Variants in NLN observed in about 807,000 individuals in gnomAD.
NLN encodes the protein neurolysin, mitochondrial.
A neutral mutation model predicts 79.9 loss-of-function variants in NLN; 64 were observed. The ratio of observed to expected loss-of-function variants is 0.80; its 90% confidence interval spans 0.65 to 0.99. The LOEUF (loss-of-function observed/expected upper bound fraction) is 0.99. NLN is among the 50% of genes least tolerant of loss of function. NLN has a pLI of 0.00. For missense variants in NLN, 835 were observed against 858.7 expected, an observed-to-expected ratio of 0.97 and a Z score of 0.34; for synonymous variants, 267 against 296.6, an observed-to-expected ratio of 0.90 and a Z score of 1.02.
chr5:65,776,082 G>A (rs968013914), intron 3 of NLN, among the ~76,000 whole-genome samples: 20 of 152,154 alleles, frequency 1.3e-4, no homozygotes, highest in Non-Finnish European at 1.9e-4. Context: ...GCAAAACCCC[G>A]TCTCTACTAA....
At position 65,722,257 on chromosome 5, in the gene NLN, T is replaced by TG; in HGVS notation, c.-116dup. 1 of 692,538 alleles carries TG rather than the reference T, an allele frequency of 1.4e-6. No individual in the cohort carries two copies. The highest frequency in any genetic ancestry group is 2.2e-6 in the Non-Finnish European group (1 of 450,350). The allele number at this position is 692,538 out of a possible 1,614,324, so 42.9% of individuals were successfully genotyped here. Reference sequence around the variant, plus strand: ...GGGAGGGCGCTGGCCAGGCAGCCACTGTGGCCTCTGCGGCTAGGCCGGCTC... The same window carrying TG: ...GGGAGGGCGCTGGCCAGGCAGCCACTGGTGGCCTCTGCGGCTAGGCCGGCTC... On this transcript the variant is annotated 5_prime_UTR_variant, in exon 1 of 13. Coordinates refer to ENST00000380985, the MANE Select transcript of NLN (RefSeq NM_020726.5).
intron 1 of NLN, among the ~76,000 whole-genome samples, chr5:65,749,916 G>A (rs146044191): frequency 1.1e-3 from 171 of 152,326 alleles, no homozygotes; most frequent in Non-Finnish European, 1.7e-3. Context: ...CTTGAAAGTA[G>A]TGCTTACTCC....
chr5:65,783,201 A>G (rs957175404), intron 6 of NLN, among the ~76,000 whole-genome samples: 9 of 152,226 alleles, frequency 5.9e-5, no homozygotes, highest in African/African-American at 2.2e-4. Context: ...GTAATGGATA[A>G]GTTTTAGAAA....
chr5:65,821,758 CA>C (rs1760804655), intron 12 of NLN, among the ~76,000 whole-genome samples: 1 of 152,124 alleles, frequency 6.6e-6, no homozygotes, highest in African/African-American at 2.4e-5. Flanking sequence ...TATTTATAGC[CA>C]AAAGGTAACC....
chr5:65,809,477 T>G, intron 9 of NLN, 38 bp from the exon 10 acceptor site: 23 of 1,534,042 alleles, frequency 1.5e-5, no homozygotes, highest in Non-Finnish European at 1.8e-5. Flanking sequence ...GTACTTTCAT[T>G]GAGTTCTTTA....
chr5:65,780,903 A>T (rs535070244), intron 5 of NLN, among the ~76,000 whole-genome samples: 57 of 152,044 alleles, frequency 3.7e-4, no homozygotes, highest in Middle Eastern at 3.4e-3. Context: ...CGATTTCTTG[A>T]CCTCATGATC....
At chr5:65,809,984 AACAC>A in intron 10 of NLN, 49 bp from the exon 11 acceptor site, 4 of 1,591,498 alleles carry the variant, frequency 2.5e-6, no homozygotes, top group Non-Finnish European at 3.4e-6. Context: ...GTGATAATAA[AACAC>A]ACAGTTCTGT....
At position 65,809,516 on chromosome 5, in the gene NLN, C is replaced by G. The variant is rs752265463; in HGVS notation, c.1529C>G (p.Thr510Ser). ...AAATTCTCTGTGTTTGCTTTCTAGACTGATTTTGCACGATTTAGCGGAACA... is the reference window on the plus strand; with the variant it reads ...AAATTCTCTGTGTTTGCTTTCTAGAGTGATTTTGCACGATTTAGCGGAACA... ...GHVMHQICAQ[T>S]DFARFSGTNV... The change falls in exon 10 of 13, where the codon ACT (threonine) becomes AGT (serine). Residue 510 changes from threonine to serine, a missense_variant and splice_region_variant. By Grantham distance (58) the Thr-to-Ser change is moderately conservative. Coordinates refer to ENST00000380985, the MANE Select transcript of NLN (RefSeq NM_020726.5). 6.3e-7 allele frequency: 1 copy of G among 1,589,026 alleles called. No individual in the cohort carries two copies. The highest frequency in any genetic ancestry group is 1.2e-5 in the South Asian group (1 of 86,626).
intron 8 of NLN, among the ~76,000 whole-genome samples, chr5:65,791,791 G>A (rs978014170): frequency 1.3e-5 from 2 of 151,996 alleles, no homozygotes; most frequent in Non-Finnish European, 2.9e-5. Context: ...GAAAGGACAC[G>A]TACTCCCAAA....
intron 5 of NLN, among the ~76,000 whole-genome samples, chr5:65,780,916 C>T (rs1044503907): frequency 2.0e-5 from 3 of 152,166 alleles, no homozygotes; most frequent in South Asian, 2.1e-4. Context: ...TCATGATCCA[C>T]CCACTTCAGC....
intron 9 of NLN, among the ~76,000 whole-genome samples, chr5:65,794,161 G>A (rs1007268982): frequency 6.6e-6 from 1 of 152,198 alleles, no homozygotes; most frequent in African/African-American, 2.4e-5. Flanking sequence ...AGTGGTTTAT[G>A]TTGTCAGCTC....
At chr5:65,731,174 A>G (rs920396165) in intron 1 of NLN, among the ~76,000 whole-genome samples, 1 of 152,190 alleles carries the variant, frequency 6.6e-6, no homozygotes, top group Non-Finnish European at 1.5e-5. Flanking sequence ...TCCTCCAAGA[A>G]GCCACCTCTG....
At chr5:65,814,219 C>G (rs1016952338) in intron 12 of NLN, among the ~76,000 whole-genome samples, 1 of 152,098 alleles carries the variant, frequency 6.6e-6, no homozygotes, top group South Asian at 2.1e-4. Flanking sequence ...ACCCTTCCTC[C>G]GTAGTTACCA....
At chr5:65,739,057 T>TATATAATATATATATATAA (rs1360571787) in intron 1 of NLN, among the ~76,000 whole-genome samples, 14 of 143,648 alleles carry the variant, frequency 9.7e-5, no homozygotes, top group South Asian at 6.4e-4. Context: ...TATATATAAA[T>TATATAATATATATATATAA]TAGCCTGGCT....
chr5:65,745,458 G>A (rs369162656), intron 1 of NLN, among the ~76,000 whole-genome samples: 1 of 152,178 alleles, frequency 6.6e-6, no homozygotes, highest in Non-Finnish European at 1.5e-5. Context: ...TCAGGCTTGG[G>A]TTTGAATCCC....
intron 1 of NLN, among the ~76,000 whole-genome samples, chr5:65,730,512 A>G (rs899292555): frequency 3.3e-5 from 5 of 151,850 alleles, no homozygotes; most frequent in African/African-American, 1.2e-4. Flanking sequence ...ACAGGGAAAA[A>G]TTGGACTCAT....
intron 4 of NLN, among the ~76,000 whole-genome samples, chr5:65,779,325 T>C (rs1450320318): frequency 6.6e-6 from 1 of 152,138 alleles, no homozygotes; most frequent in African/African-American, 2.4e-5. Context: ...TTATGTAACA[T>C]TGTTAGAAGA....
chr5:65,755,170 T>C (rs917775065), intron 1 of NLN, among the ~76,000 whole-genome samples: 1 of 152,182 alleles, frequency 6.6e-6, no homozygotes, highest in Admixed American at 6.6e-5. Context: ...GAGCTCAGTC[T>C]CTCTAAATAT....
Position 65,809,563 on chromosome 5 carries a change from G to T in NLN, c.1576G>T (p.Glu526Ter), listed in dbSNP as rs1318382829. 6.2e-7 allele frequency: 1 copy of T among 1,612,748 alleles called. No homozygotes were observed. The highest frequency in any genetic ancestry group is 1.3e-5 in the African/African-American group (1 of 74,834). ...SGTNVETDFV[E>*]VPSQMLENWV... is the part of the protein sequence containing the mutation. ...AACAAATGTGGAAACTGACTTTGTA[G>T]AGGTGCCATCGCAAATGCTTGAAAA... Residue 526 changes from glutamate (E) to a stop codon, truncating the protein, a stop_gained, in exon 10 of 13, where the codon GAG becomes TAG. Transcript: ENST00000380985. LOFTEE classifies it high-confidence loss of function.
Sources: gnomAD v4.1 joint callset for allele counts (sites outside exome capture counted in the v4.1 genomes callset) on GRCh38, gnomAD v4.1.1 for gene constraint, MANE v1.5 for transcripts, NCBI Gene and HGNC (gene_info 2026-07-23, HGNC 2026-07-21) for gene names.